The following C4orf51 variants were observed in gnomAD, a reference collection of about 807,000 sequenced individuals.
C4orf51 encodes the protein chromosome 4 open reading frame 51, also known as uncharacterized protein C4orf51.
In C4orf51, 25 loss-of-function variants were observed where a neutral mutation model predicts 25.2. The ratio of observed to expected loss-of-function variants is 0.99; its 90% CI spans 0.72 to 1.39. The LOEUF (loss-of-function observed/expected upper bound fraction) is 1.39. Among genes scored for constraint, C4orf51 ranks in the 40% most tolerant of loss-of-function variants. C4orf51 has a pLI of 0.00. For synonymous variants in C4orf51, 100 were observed against 84.5 expected (o/e 1.18, Z -1.01); for missense variants, 252 against 239.6 (o/e 1.05, Z -0.34).
chr4:145,740,177 G>A (rs528902844), intron 1 of C4orf51, among the ~76,000 whole-genome samples: 15 of 140,698 alleles, frequency 1.1e-4, no homozygotes, highest in Admixed American at 3.1e-4. Context: ...ATGTAACTAG[G>A]GCTCTATCTG....
intron 1 of C4orf51, among the ~76,000 whole-genome samples, chr4:145,770,207 G>A (rs1196962429): frequency 6.6e-5 from 10 of 152,152 alleles, no homozygotes; most frequent in African/African-American, 9.6e-5. Flanking sequence ...GCTGAGACAC[G>A]AAAATTGCTT....
chr4:145,776,029 A>C, downstream of C4orf51: 1 of 1,570,226 alleles, frequency 6.4e-7, no homozygotes, highest in Non-Finnish European at 8.7e-7. Flanking sequence ...CCTTGCAAGA[A>C]TCAGTTAAAG....
At chr4:145,775,814 C>T, downstream of C4orf51, 1 of 1,614,162 alleles carries the variant, frequency 6.2e-7, no homozygotes, top group Non-Finnish European at 8.5e-7. Context: ...TGTTTCTTCC[C>T]ATCACTGCCT....
At chr4:145,703,103 G>A (rs1035861587) in intron 2 of C4orf51, among the ~76,000 whole-genome samples, 1 of 151,680 alleles carries the variant, frequency 6.6e-6, no homozygotes, top group African/African-American at 2.4e-5. Context: ...CCTGTGACTT[G>A]CACATATATG....
chr4:145,729,488 A>G (rs566067276), intron 4 of C4orf51, among the ~76,000 whole-genome samples: 356 of 151,946 alleles, frequency 2.3e-3, no homozygotes, highest in African/African-American at 5.7e-3. Context: ...TTTTTAGTAG[A>G]GACGGGGTTT....
intron 1 of C4orf51, among the ~76,000 whole-genome samples, chr4:145,690,733 A>T (rs985556669): frequency 7.2e-5 from 11 of 152,200 alleles, no homozygotes; most frequent in Admixed American, 3.3e-4. Flanking sequence ...TAATCTATGC[A>T]TCCAACAAAG....
At chr4:145,686,751 T>C (rs537766995) in intron 1 of C4orf51, among the ~76,000 whole-genome samples, 1 of 152,338 alleles carries the variant, frequency 6.6e-6, no homozygotes, top group African/African-American at 2.4e-5. Flanking sequence ...TGTTTGATCA[T>C]GAAAATGATA....
At chr4:145,740,240 C>CAAAAAAA (rs60310006) in intron 1 of C4orf51, among the ~76,000 whole-genome samples, 10 of 104,804 alleles carry the variant, frequency 9.5e-5, no homozygotes, top group African/African-American at 2.5e-4. Context: ...TCCCTTTCTG[C>CAAAAAAA]AAAAAAAAAA....
intron 2 of C4orf51, among the ~76,000 whole-genome samples, chr4:145,699,296 A>T (rs34636198): frequency 1.4e-5 from 1 of 73,982 alleles, no homozygotes; most frequent in Admixed American, 1.7e-4. Context: ...GACTTGGATC[A>T]GGGACCTCCC....
intron 1 of C4orf51, among the ~76,000 whole-genome samples, chr4:145,690,245 T>C (rs1452211683): frequency 1.3e-5 from 2 of 151,146 alleles, no homozygotes; most frequent in Non-Finnish European, 3.0e-5. Flanking sequence ...GTGGCTAACG[T>C]CTGTAATCCC....
At chr4:145,735,572 T>G (rs1732761003), downstream of C4orf51, among the ~76,000 whole-genome samples, 1 of 152,136 alleles carries the variant, frequency 6.6e-6, no homozygotes, top group Non-Finnish European at 1.5e-5. Context: ...TGATAGGGCT[T>G]CTTCTGGTTT....
intron 5 of C4orf51, among the ~76,000 whole-genome samples, chr4:145,732,107 A>G (rs986357699): frequency 6.6e-6 from 1 of 152,318 alleles, no homozygotes. Context: ...ATCTTGAAGA[A>G]GTTCCTGATG....
chr4:145,735,338 G>A (rs1285368425), downstream of C4orf51, among the ~76,000 whole-genome samples: 1 of 152,192 alleles, frequency 6.6e-6, no homozygotes, highest in East Asian at 1.9e-4. Context: ...TAAACACCCA[G>A]AGAGCCACCC....
At chr4:145,783,354 A>G in the C4orf51 span, among the ~76,000 whole-genome samples, 7 of 152,262 alleles carry the variant, frequency 4.6e-5, no homozygotes, top group Admixed American at 4.6e-4. Context: ...ATTAAGGCCT[A>G]TGGCCAATTC....
intron 2 of C4orf51, among the ~76,000 whole-genome samples, chr4:145,706,196 G>A (rs1163655628): frequency 2.0e-5 from 3 of 152,140 alleles, no homozygotes; most frequent in Admixed American, 1.3e-4. Flanking sequence ...TGATAGAACT[G>A]ACTTGTTCAC....
In C4orf51 at chr4:145,696,562, G is replaced by A; in HGVS notation, c.237G>A (p.Met79Ile). 6.2e-7 allele frequency: 1 copy of A among 1,613,042 alleles called. No individual in the cohort carries two copies. Among genetic ancestry groups the A allele is most frequent in the Non-Finnish European group, 8.5e-7 (1 of 1,179,122 alleles). ...TTCTTCTACTTGCTTTCCTTAGGATGTCATTGACAAACAGTTCTGCCTGTC... is the reference window on the plus strand; with the variant it reads ...TTCTTCTACTTGCTTTCCTTAGGATATCATTGACAAACAGTTCTGCCTGTC... Reference protein sequence around the residue: ...AGQHEPECKQMSLTNSSACHL... With the variant: ...AGQHEPECKQISLTNSSACHL... Residue 79 changes from methionine to isoleucine, a missense_variant, in exon 2 of 6, where the codon ATG becomes ATA. Transcript: ENST00000438731.
chr4:145,704,608 C>G (rs1250433401), intron 2 of C4orf51, among the ~76,000 whole-genome samples: 3 of 152,156 alleles, frequency 2.0e-5, no homozygotes, highest in African/African-American at 7.2e-5. Flanking sequence ...CAGTGCCATG[C>G]TCCTTTGATT....
At chr4:145,782,477 A>G in the C4orf51 span, among the ~76,000 whole-genome samples, 1 of 151,716 alleles carries the variant, frequency 6.6e-6, no homozygotes, top group African/African-American at 2.4e-5. Flanking sequence ...TCCTCCCCCG[A>G]CTCTCTTTCA....
At chr4:145,686,977 C>T (rs1729192311) in intron 1 of C4orf51, among the ~76,000 whole-genome samples, 1 of 150,014 alleles carries the variant, frequency 6.7e-6, no homozygotes, top group Non-Finnish European at 1.5e-5. Flanking sequence ...TGAGGAGTCA[C>T]CCTTTCAGAA....
Sources: gnomAD v4.1 joint callset for allele counts (sites outside exome capture counted in the v4.1 genomes callset) on GRCh38, gnomAD v4.1.1 for gene constraint, MANE v1.5 for transcripts, NCBI Gene and HGNC (gene_info 2026-07-23, HGNC 2026-07-21) for gene names.